NMBR: variants seen among roughly 807,000 people sequenced by gnomAD.
NMBR encodes the protein neuromedin-B receptor.
NMBR carries 16 observed loss-of-function variants against 20.5 expected under a neutral mutation model. The observed-to-expected ratio is 0.78, with a 90% confidence interval of 0.53 to 1.19. NMBR has a LOEUF of 1.19. Among genes scored for constraint, NMBR ranks in the 50% most tolerant of loss-of-function variants. The pLI, the probability that NMBR is intolerant of heterozygous loss-of-function variation, is 0.00. For synonymous variants in NMBR, 212 were observed against 196.6 expected (o/e 1.08, Z -0.65); for missense variants, 582 against 499.1 (o/e 1.17, Z -1.58).
chr6:142,102,205 G>A (rs1777577548), intron 1 of NMBR, among the ~76,000 whole-genome samples: 3 of 152,014 alleles, frequency 2.0e-5, no homozygotes, highest in Admixed American at 6.6e-5. Context: ...TGGCTAACAC[G>A]GTGAATCCCC....
intron 1 of NMBR, among the ~76,000 whole-genome samples, chr6:142,129,123 C>T (rs546132152): frequency 6.6e-6 from 1 of 151,498 alleles, no homozygotes; most frequent in African/African-American, 2.4e-5. Context: ...CTTGTTTACA[C>T]CACAAGGTCT....
At chr6:142,106,574 G>A (rs1242644323) in intron 1 of NMBR, among the ~76,000 whole-genome samples, 2 of 152,116 alleles carry the variant, frequency 1.3e-5, no homozygotes, top group South Asian at 2.1e-4. Flanking sequence ...CTTTTATAAA[G>A]GATTGTCATT....
chr6:142,102,678 T>C (rs1253906688), intron 1 of NMBR, among the ~76,000 whole-genome samples: 1 of 152,180 alleles, frequency 6.6e-6, no homozygotes, highest in South Asian at 2.1e-4. Context: ...TAATGTAGGT[T>C]AAGAGGAGTG....
At chr6:142,140,489 G>A (rs899992281) in intron 1 of NMBR, among the ~76,000 whole-genome samples, 20 of 151,846 alleles carry the variant, frequency 1.3e-4, no homozygotes, top group Non-Finnish European at 2.2e-4. Context: ...TGGCAGGAAA[G>A]GAAAAAAGAG....
Position 142,075,088 on chromosome 6 carries a change from A to G in NMBR, c.*560T>C, listed in dbSNP as rs1378550299. On this transcript the variant is annotated 3_prime_UTR_variant, in exon 4 of 4. Transcript: ENST00000258042. ...ATGAAGGACGTGTGTGTGTGTACATATATACATATACATATATATATACAC... is the reference window on the plus strand; with the variant it reads ...ATGAAGGACGTGTGTGTGTGTACATGTATACATATACATATATATATACAC... Among the ~76,000 whole-genome samples, 1 of 123,414 alleles carries G rather than the reference A, an allele frequency of 8.1e-6. No homozygotes were observed. The highest frequency in any genetic ancestry group is 1.7e-5 in the Non-Finnish European group (1 of 60,504). The allele number at this position is 123,414 out of a possible 152,430, so 81.0% of individuals were successfully genotyped here.
chr6:142,108,975 G>A (rs1197212269), intron 1 of NMBR, among the ~76,000 whole-genome samples: 1 of 152,114 alleles, frequency 6.6e-6, no homozygotes, highest in Non-Finnish European at 1.5e-5. Flanking sequence ...CACTGCAAAT[G>A]GGAGAAATTG....
intron 2 of NMBR, among the ~76,000 whole-genome samples, chr6:142,085,289 C>T (rs1313916221): frequency 1.3e-5 from 2 of 152,134 alleles, no homozygotes; most frequent in African/African-American, 4.8e-5. Context: ...TTTGAGAAGC[C>T]GAGGTGGGCA....
chr6:142,139,866 A>T (rs1371300725), intron 1 of NMBR, among the ~76,000 whole-genome samples: 1 of 152,200 alleles, frequency 6.6e-6, no homozygotes, highest in African/African-American at 2.4e-5. Flanking sequence ...ACTAAAATGC[A>T]AATATAGTAA....
intron 1 of NMBR, among the ~76,000 whole-genome samples, chr6:142,112,201 TAA>T (rs989827548): frequency 6.6e-6 from 1 of 152,130 alleles, no homozygotes; most frequent in Non-Finnish European, 1.5e-5. Flanking sequence ...GGGAAACTGG[TAA>T]ATAACCTGCT....
chr6:142,135,562 G>T (rs1045883023), intron 1 of NMBR, among the ~76,000 whole-genome samples: 1 of 151,476 alleles, frequency 6.6e-6, no homozygotes, highest in East Asian at 1.9e-4. Context: ...AGTTACATAT[G>T]TATACATGTG....
chr6:142,125,034 C>A (rs755271330), intron 1 of NMBR, among the ~76,000 whole-genome samples: 1 of 151,766 alleles, frequency 6.6e-6, no homozygotes, highest in Non-Finnish European at 1.5e-5. Context: ...ATTATTCATG[C>A]AGAAAGACAA....
intron 1 of NMBR, among the ~76,000 whole-genome samples, chr6:142,131,578 A>T (rs749546432): frequency 6.6e-6 from 1 of 152,170 alleles, no homozygotes; most frequent in Non-Finnish European, 1.5e-5. Context: ...GATCAGTCTC[A>T]CTAAGGATCA....
At chr6:142,139,505 TCTCTCGC>T (rs1778327868) in intron 1 of NMBR, among the ~76,000 whole-genome samples, 1 of 152,150 alleles carries the variant, frequency 6.6e-6, no homozygotes, top group Non-Finnish European at 1.5e-5. Context: ...TCTCTGGAGC[TCTCTCGC>T]TTTTCCAGCT....
intron 1 of NMBR, among the ~76,000 whole-genome samples, chr6:142,100,921 G>A (rs2114580437): frequency 6.6e-6 from 1 of 152,270 alleles, no homozygotes; most frequent in African/African-American, 2.4e-5. Flanking sequence ...CTTATAAAAA[G>A]AGAATTGTAT....
intron 2 of NMBR, among the ~76,000 whole-genome samples, 180 bp downstream of exon 2, chr6:142,088,057 T>C (rs1777232094): frequency 1.3e-5 from 2 of 152,088 alleles, no homozygotes; most frequent in Admixed American, 1.3e-4. Flanking sequence ...AAGCCTCACA[T>C]GTCAGTCCGT....
At chr6:142,130,080 T>C (rs1778113182) in intron 1 of NMBR, among the ~76,000 whole-genome samples, 1 of 152,138 alleles carries the variant, frequency 6.6e-6, no homozygotes. Context: ...CACTGAGATC[T>C]GCTGAGGAGT....
chr6:142,078,872 G>C lies in NMBR; in HGVS notation c.454C>G (p.Gln152Glu). The change falls in exon 3 of 4, where the codon CAG becomes GAG. Residue 152 changes from glutamine to glutamate, a missense_variant. Physicochemically the swap from Gln to Glu is conservative, Grantham distance 29. Coordinates refer to ENST00000258042, the MANE Select transcript of NMBR (RefSeq NM_002511.4). ...YRAIVNPMDM[Q>E]TSGALLRTCV... Reference sequence around the variant, plus strand: ...GTCCGCAGCAATGCCCCTGACGTCTGCATGTCCATGGGGTTAACGATGGCT... The same window carrying C: ...GTCCGCAGCAATGCCCCTGACGTCTCCATGTCCATGGGGTTAACGATGGCT... 6.2e-7 allele frequency: 1 copy of C among 1,613,502 alleles called. No individual in the cohort carries two copies. The highest frequency in any genetic ancestry group is 8.5e-7 in the Non-Finnish European group (1 of 1,179,858).
intron 1 of NMBR, among the ~76,000 whole-genome samples, chr6:142,097,021 C>T (rs1285754448): frequency 6.6e-6 from 1 of 151,984 alleles, no homozygotes; most frequent in Non-Finnish European, 1.5e-5. Context: ...TTTCCATTTG[C>T]TTGGTAGATC....
chr6:142,108,628 C>T (rs1182468659), intron 1 of NMBR, among the ~76,000 whole-genome samples: 2 of 152,066 alleles, frequency 1.3e-5, no homozygotes, highest in South Asian at 2.1e-4. Flanking sequence ...TGGAGGTAAC[C>T]GCTCCATGAT....
Sources: gnomAD v4.1 joint callset for allele counts (sites outside exome capture counted in the v4.1 genomes callset) on GRCh38, gnomAD v4.1.1 for gene constraint, MANE v1.5 for transcripts, NCBI Gene and HGNC (gene_info 2026-07-23, HGNC 2026-07-21) for gene names.